UQCC6: variants seen among roughly 807,000 people sequenced by gnomAD.
UQCC6 encodes protein BRAWNIN.
At chr12:103,962,345 T>G in the UQCC6 span, among the ~76,000 whole-genome samples, 1 of 152,206 alleles carries the variant, frequency 6.6e-6, no homozygotes, top group Non-Finnish European at 1.5e-5. Context: ...TGTATTATAT[T>G]TAAAAAATAT....
At chr12:103,953,587 CA>C in the UQCC6 span, 1 of 702,178 alleles carries the variant, frequency 1.4e-6, no homozygotes, top group Non-Finnish European at 2.6e-6. Flanking sequence ...GGAGCAAAAC[CA>C]AAAGACATAG....
chr12:103,963,510 C>T, the UQCC6 span, among the ~76,000 whole-genome samples: 1 of 152,198 alleles, frequency 6.6e-6, no homozygotes, highest in Admixed American at 6.5e-5. Context: ...TACCCAAAAA[C>T]GCTTACCTGG....
At chr12:103,959,548 A>G in the UQCC6 span, among the ~76,000 whole-genome samples, 1 of 149,470 alleles carries the variant, frequency 6.7e-6, no homozygotes, top group Non-Finnish European at 1.5e-5. Context: ...CCCCATCTCT[A>G]CTAAAATACA....
the UQCC6 span, chr12:103,951,231 G>T: frequency 4.4e-6 from 1 of 229,418 alleles, no homozygotes; most frequent in African/African-American, 2.3e-5. Context: ...TAATTTATAT[G>T]AAATAAAGAC....
At chr12:103,963,796 C>G in the UQCC6 span, among the ~76,000 whole-genome samples, 1 of 152,080 alleles carries the variant, frequency 6.6e-6, no homozygotes, top group African/African-American at 2.4e-5. Context: ...TATCTTGCAA[C>G]CTTGCGAATC....
At chr12:103,952,541 A>C in the UQCC6 span, among the ~76,000 whole-genome samples, 1 of 152,204 alleles carries the variant, frequency 6.6e-6, no homozygotes, top group Non-Finnish European at 1.5e-5. Context: ...CATAAACCTA[A>C]AAGTGGCATT....
chr12:103,962,552 C>T, the UQCC6 span, among the ~76,000 whole-genome samples: 1 of 152,138 alleles, frequency 6.6e-6, no homozygotes, highest in Non-Finnish European at 1.5e-5. Context: ...GGAAGCTCTT[C>T]TCCATAAAAC....
the UQCC6 span, among the ~76,000 whole-genome samples, chr12:103,957,919 AAT>A: frequency 7.3e-6 from 1 of 137,658 alleles, no homozygotes; most frequent in Admixed American, 7.4e-5. Flanking sequence ...TATATTTTTA[AAT>A]ATATATTTTA....
chr12:103,964,917 A>G, the UQCC6 span, among the ~76,000 whole-genome samples: 1 of 152,240 alleles, frequency 6.6e-6, no homozygotes, highest in Non-Finnish European at 1.5e-5. Context: ...TACTCACGAA[A>G]GCCTGGATCC....
At chr12:103,960,872 T>C in the UQCC6 span, among the ~76,000 whole-genome samples, 1 of 152,210 alleles carries the variant, frequency 6.6e-6, no homozygotes, top group Non-Finnish European at 1.5e-5. Flanking sequence ...CACTACATAA[T>C]ACTTGATAAT....
At chr12:103,954,668 C>A in the UQCC6 span, 1 of 404,360 alleles carries the variant, frequency 2.5e-6, no homozygotes, top group Non-Finnish European at 4.4e-6. Flanking sequence ...ATATCCAACC[C>A]GTATCAGTGG....
At chr12:103,959,709 C>G in the UQCC6 span, among the ~76,000 whole-genome samples, 1 of 151,022 alleles carries the variant, frequency 6.6e-6, no homozygotes, top group Admixed American at 6.6e-5. Flanking sequence ...AAGAGTCCGT[C>G]TCAAAAAATA....
chr12:103,952,826 C>T, the UQCC6 span, among the ~76,000 whole-genome samples: 11 of 152,096 alleles, frequency 7.2e-5, no homozygotes, highest in East Asian at 5.8e-4. Context: ...TGAACAAAGA[C>T]ATGGAGGAGG....
At chr12:103,956,968 G>C in the UQCC6 span, 2 of 522,754 alleles carry the variant, frequency 3.8e-6, no homozygotes, top group Non-Finnish European at 6.9e-6. Flanking sequence ...AGCCCCAATC[G>C]TTTATCAGTG....
chr12:103,955,638 T>A, the UQCC6 span: 28 of 419,860 alleles, frequency 6.7e-5, no homozygotes, highest in South Asian at 2.1e-4. Context: ...CTAATTTTTT[T>A]AAAATTATTT....
At chr12:103,954,259 G>A in the UQCC6 span, among the ~76,000 whole-genome samples, 1 of 152,222 alleles carries the variant, frequency 6.6e-6, no homozygotes, top group Non-Finnish European at 1.5e-5. Flanking sequence ...CACAAACTGT[G>A]TGTGTACACA....
chr12:103,958,170 C>G, the UQCC6 span, among the ~76,000 whole-genome samples: 1 of 148,790 alleles, frequency 6.7e-6, no homozygotes, highest in African/African-American at 2.5e-5. Context: ...GAGCTGAGAT[C>G]GCGCCATTGC....
chr12:103,965,101 C>T, the UQCC6 span, among the ~76,000 whole-genome samples: 1 of 152,152 alleles, frequency 6.6e-6, no homozygotes, highest in African/African-American at 2.4e-5. Context: ...TTTTCATCAT[C>T]CTGCAAACTA....
chr12:103,955,878 G>T, the UQCC6 span: 1 of 441,412 alleles, frequency 2.3e-6, no homozygotes, highest in South Asian at 1.6e-5. Context: ...AGTTCCTAAT[G>T]AATGCTTATT....
Sources: allele counts gnomAD v4.1 joint callset (sites outside exome capture counted in the v4.1 genomes callset), GRCh38; gene constraint gnomAD v4.1.1; transcripts MANE v1.5; gene names NCBI Gene and HGNC (gene_info 2026-07-23, HGNC 2026-07-21).